The following GLIPR1L1 variants were observed in gnomAD, a reference collection of about 807,000 sequenced individuals.
The protein encoded by GLIPR1L1 is GLIPR1-like protein 1.
Under a neutral mutation model 29.9 loss-of-function variants are expected in GLIPR1L1, and 26 were observed. The ratio of observed to expected loss-of-function variants is 0.87; its 90% confidence interval spans 0.64 to 1.21. The LOEUF is 1.21. GLIPR1L1 is among the 50% of genes most tolerant of loss of function. The probability of loss-of-function intolerance (pLI) is 0.00; values close to 1 mark genes in which losing one functional copy is unlikely to be tolerated. For synonymous variants in GLIPR1L1, 77 were observed against 97.5 expected (o/e 0.79, Z 1.24); for missense variants, 305 against 290.3 (o/e 1.05, Z -0.37).
At chr12:75,369,618 A>T in intron 4 of GLIPR1L1, 2 of 984,924 alleles carry the variant, frequency 2.0e-6, no homozygotes, top group Non-Finnish European at 2.4e-6. Flanking sequence ...TGCATACAAA[A>T]AATTCAACAT....
At chr12:75,341,351 C>T (rs557320993) in intron 1 of GLIPR1L1, among the ~76,000 whole-genome samples, 2 of 152,206 alleles carry the variant, frequency 1.3e-5, no homozygotes, top group Non-Finnish European at 2.9e-5. Flanking sequence ...CATGTAACAT[C>T]CCCATGGCTC....
intron 1 of GLIPR1L1, 76 bp from the exon 2 acceptor site, chr12:75,343,617 A>G (rs1238525854): frequency 2.7e-6 from 3 of 1,117,296 alleles, no homozygotes. Flanking sequence ...AGCAAAACTT[A>G]GTTGATTACA....
chr12:75,364,976 G>C (rs1216061020), intron 4 of GLIPR1L1: 1 of 152,138 alleles, frequency 6.6e-6, no homozygotes, highest in East Asian at 1.9e-4. Context: ...CCACATAACA[G>C]CTCAGAAGGC....
At chr12:75,347,541 A>C (rs1201494282) in intron 2 of GLIPR1L1, 81 bp from the exon 3 acceptor site, 4 of 815,452 alleles carry the variant, frequency 4.9e-6, no homozygotes, top group African/African-American at 3.5e-5. Flanking sequence ...TAGCATGACA[A>C]AGATTATACC....
intron 4 of GLIPR1L1, chr12:75,367,156 G>A: frequency 1.6e-6 from 1 of 615,684 alleles, no homozygotes; most frequent in South Asian, 1.9e-5. Context: ...ACCAAATAGG[G>A]TACCCAAAAG....
At chr12:75,369,922 A>G in intron 4 of GLIPR1L1, 38 bp from the exon 5 acceptor site, 2 of 1,241,602 alleles carry the variant, frequency 1.6e-6, no homozygotes, top group Non-Finnish European at 2.2e-6. Flanking sequence ...TTCTTGTTTT[A>G]TAACATTTTA....
At chr12:75,338,189 A>C (rs774127846) in intron 1 of GLIPR1L1, among the ~76,000 whole-genome samples, 1 of 152,196 alleles carries the variant, frequency 6.6e-6, no homozygotes, top group Non-Finnish European at 1.5e-5. Flanking sequence ...AGATGCAAAA[A>C]ATCTTCAACA....
chr12:75,366,927 C>T (rs2044006932), intron 4 of GLIPR1L1: 2 of 701,668 alleles, frequency 2.9e-6, no homozygotes, highest in South Asian at 3.0e-5. Context: ...GTTAACCACC[C>T]AGACATTCCC....
rs758536764 is a variant in GLIPR1L1, at chr12:75,343,884, A to G, written c.366A>G (p.Gln122=). The G allele has an allele frequency of 8.1e-6, 13 of 1,612,094 alleles. No homozygotes were observed. In the South Asian group the frequency reaches 9.9e-5, roughly 12 times the overall value. Residue 122 remains glutamine (Q), a synonymous_variant, in exon 2 of 6, where the codon CAA becomes CAG. Transcript: ENST00000378695. ...TTACGGCTTGGTATAATGAAACCCA[A>G]TTTTATGATTTTGATAGTCTATCAT... ...HAITAWYNET[Q]FYDFDSLSCS...
intron 1 of GLIPR1L1, 29 bp downstream of exon 1, chr12:75,334,931 A>C (rs759285435): frequency 7.5e-6 from 12 of 1,594,552 alleles, no homozygotes; most frequent in Admixed American, 5.1e-5. Context: ...TGGGCTCTTA[A>C]ATCCCTGACT....
At chr12:75,341,473 G>T (rs536933722) in intron 1 of GLIPR1L1, among the ~76,000 whole-genome samples, 84 of 152,158 alleles carry the variant, frequency 5.5e-4, no homozygotes, top group African/African-American at 1.9e-3. Flanking sequence ...TTGAAACGGA[G>T]TCTCGCTGTG....
In GLIPR1L1 at chr12:75,370,420, TTTAA is replaced by T. The variant is rs1226007059; in HGVS notation, c.*247_*250del. On this transcript the variant is annotated 3_prime_UTR_variant, in exon 6 of 6. Transcript: ENST00000378695. ...TATGTGTATCAAAAGTGTTCCACTC[TTTAA>T]TTTTCTAATGAGAATGGATTATCAT... 6 of 301,312 alleles carry T rather than the reference TTTAA, an allele frequency of 2.0e-5. No individual in the cohort carries two copies. Among genetic ancestry groups the T allele is most frequent in the Middle Eastern group, 1.9e-3 (2 of 1,034 alleles). The allele number at this position is 301,312 out of a possible 1,614,324, so 18.7% of individuals were successfully genotyped here.
At chr12:75,335,683 G>C (rs973655770) in intron 1 of GLIPR1L1, among the ~76,000 whole-genome samples, 1 of 151,998 alleles carries the variant, frequency 6.6e-6, no homozygotes, top group Non-Finnish European at 1.5e-5. Flanking sequence ...AACTGTACTA[G>C]TCTACTGTAT....
chr12:75,358,567 C>T (rs1444153117), intron 3 of GLIPR1L1, among the ~76,000 whole-genome samples: 1 of 150,780 alleles, frequency 6.6e-6, no homozygotes, highest in Non-Finnish European at 1.5e-5. Context: ...ACAAAGAACA[C>T]CTATGAAAAA....
chr12:75,354,911 A>G (rs1392846987), intron 3 of GLIPR1L1, among the ~76,000 whole-genome samples: 1 of 152,230 alleles, frequency 6.6e-6, no homozygotes, highest in African/African-American at 2.4e-5. Flanking sequence ...TGGTGCTGGG[A>G]GAACAGGCTA....
intron 4 of GLIPR1L1, chr12:75,366,770 T>A: frequency 1.5e-6 from 1 of 665,494 alleles, no homozygotes; most frequent in Non-Finnish European, 2.7e-6. Context: ...CACGCTCTTA[T>A]GTGTCTCAGT....
chr12:75,364,228 C>A (rs1299550475), intron 4 of GLIPR1L1, among the ~76,000 whole-genome samples: 1 of 152,200 alleles, frequency 6.6e-6, no homozygotes, highest in Non-Finnish European at 1.5e-5. Context: ...ACATGTCTGA[C>A]CTCCCCTTTC....
chr12:75,342,769 T>A (rs921744686), intron 1 of GLIPR1L1, among the ~76,000 whole-genome samples: 6 of 152,174 alleles, frequency 3.9e-5, no homozygotes, highest in Admixed American at 2.0e-4. Context: ...ATAATCAATA[T>A]TCTTTTGCAA....
intron 3 of GLIPR1L1, among the ~76,000 whole-genome samples, chr12:75,362,312 C>T (rs1299387162): frequency 1.3e-5 from 2 of 151,986 alleles, no homozygotes; most frequent in Admixed American, 6.6e-5. Context: ...CAATAAATAC[C>T]ACTACACCAT....
Sources: allele counts gnomAD v4.1 joint callset (sites outside exome capture counted in the v4.1 genomes callset), GRCh38; gene constraint gnomAD v4.1.1; transcripts MANE v1.5; gene names NCBI Gene and HGNC (gene_info 2026-07-23, HGNC 2026-07-21).